MVB12B: variants seen among roughly 807,000 people sequenced by gnomAD.
MVB12B encodes the protein ESCRT-I complex subunit MVB12B.
Under a neutral mutation model 41.6 loss-of-function variants are expected in MVB12B, and 16 were observed. That is an observed-to-expected ratio of 0.38 (90% CI 0.26 to 0.58). The LOEUF is 0.58. Among genes scored for constraint, MVB12B ranks in the 20% least tolerant of loss-of-function variants. The pLI is 0.62. For synonymous variants in MVB12B, 133 were observed against 139.7 expected (o/e 0.95, Z 0.34); for missense variants, 274 against 380.2 (o/e 0.72, Z 2.32).
chr9:126,431,127 TATATA>T (rs1832318980), intron 7 of MVB12B, among the ~76,000 whole-genome samples: 1 of 152,242 alleles, frequency 6.6e-6, no homozygotes, highest in Admixed American at 6.5e-5. Context: ...TGTGCTTCCT[TATATA>T]ATTTTGATAT....
chr9:126,351,919 A>G (rs1829759733), intron 2 of MVB12B, among the ~76,000 whole-genome samples: 2 of 152,082 alleles, frequency 1.3e-5, no homozygotes, highest in Non-Finnish European at 2.9e-5. Context: ...GAATTTTGTC[A>G]GATGCCTTTC....
At position 126,461,792 on chromosome 9, in the gene MVB12B, G is replaced by A. The variant is rs558683159; in HGVS notation, c.758-19577G>A. ...GCTCCCGGGGTGGGTGGGCTGGTGG[G>A]TGTCCAAGGCCCTGAGCCCCGACTG... On this transcript the variant is annotated intron_variant, in intron 7 of 9. Coordinates refer to ENST00000361171, the MANE Select transcript of MVB12B (RefSeq NM_033446.3). Among the ~76,000 whole-genome samples, 25 of 152,280 alleles carry A rather than the reference G, an allele frequency of 1.6e-4. 1 individual carries two copies. Among genetic ancestry groups the A allele is most frequent in the Admixed American group, 8.5e-4 (13 of 15,300 alleles).
chr9:126,359,260 C>T (rs1425891611), intron 2 of MVB12B, among the ~76,000 whole-genome samples: 1 of 151,960 alleles, frequency 6.6e-6, no homozygotes, highest in African/African-American at 2.4e-5. Context: ...AATAAATCCC[C>T]CATGGACATA....
At chr9:126,331,756 C>T (rs1829137027) in intron 1 of MVB12B, among the ~76,000 whole-genome samples, 1 of 152,210 alleles carries the variant, frequency 6.6e-6, no homozygotes, top group Admixed American at 6.5e-5. Context: ...GTCCCTTGGA[C>T]TCCAAAGGGG....
At chr9:126,498,045 C>G (rs1338123801) in intron 9 of MVB12B, among the ~76,000 whole-genome samples, 1 of 152,234 alleles carries the variant, frequency 6.6e-6, no homozygotes, top group African/African-American at 2.4e-5. Context: ...CGCTTCAGGC[C>G]TCGCCATATG....
intron 7 of MVB12B, among the ~76,000 whole-genome samples, chr9:126,440,632 G>A (rs138866603): frequency 9.3e-4 from 141 of 151,858 alleles, no homozygotes; most frequent in African/African-American, 3.1e-3. Context: ...ACTTCTAAAC[G>A]TGTAGCAAAA....
At chr9:126,435,560 C>T (rs1832450174) in intron 7 of MVB12B, among the ~76,000 whole-genome samples, 2 of 151,638 alleles carry the variant, frequency 1.3e-5, no homozygotes, top group Admixed American at 1.3e-4. Flanking sequence ...GCACTCAACC[C>T]TTTAAATGAT....
chr9:126,446,923 C>CT (rs33950971), intron 7 of MVB12B, among the ~76,000 whole-genome samples: 138,494 of 139,300 alleles, frequency 0.99, 68,851 homozygotes, highest in Middle Eastern at 1. Flanking sequence ...TGTATTAGTT[C>CT]TTTTTTTTAA....
At chr9:126,363,272 C>T (rs1389248751) in intron 2 of MVB12B, among the ~76,000 whole-genome samples, 1 of 152,206 alleles carries the variant, frequency 6.6e-6, no homozygotes, top group African/African-American at 2.4e-5. Flanking sequence ...AATTCCCTCC[C>T]TTGCTTCCTG....
chr9:126,331,646 AT>A (rs1829133739), intron 1 of MVB12B, among the ~76,000 whole-genome samples: 1 of 152,144 alleles, frequency 6.6e-6, no homozygotes, highest in South Asian at 2.1e-4. Flanking sequence ...AAACAATATT[AT>A]TTGCTATTCC....
intron 2 of MVB12B, among the ~76,000 whole-genome samples, chr9:126,369,044 G>A (rs2118918472): frequency 6.6e-6 from 1 of 152,330 alleles, no homozygotes; most frequent in Admixed American, 6.5e-5. Context: ...GGCCACAGGA[G>A]CCTTCTGCTG....
chr9:126,502,526 G>A (rs996694660), intron 9 of MVB12B, among the ~76,000 whole-genome samples: 3 of 150,702 alleles, frequency 2.0e-5, no homozygotes, highest in Admixed American at 6.6e-5. Flanking sequence ...GGGCTGAGCC[G>A]TGGAGGAAGG....
chr9:126,378,896 C>G (rs1296226818), intron 2 of MVB12B, among the ~76,000 whole-genome samples: 1 of 152,174 alleles, frequency 6.6e-6, no homozygotes, highest in East Asian at 1.9e-4. Context: ...AAGGACAGTT[C>G]TAGCAGTGTG....
intron 7 of MVB12B, among the ~76,000 whole-genome samples, chr9:126,461,824 C>T (rs981006231): frequency 2.7e-5 from 4 of 146,604 alleles, no homozygotes; most frequent in African/African-American, 7.7e-5. Flanking sequence ...ACTGGCTGGC[C>T]AGCGCTGGGA....
chr9:126,481,416 C>G lies in MVB12B; in HGVS notation c.805C>G (p.Pro269Ala). Residue 269 changes from proline (P) to alanine (A), a missense_variant, in exon 8 of 10, where the codon CCA (proline) becomes GCA (alanine). By Grantham distance (27) the Pro-to-Ala change is conservative. Coordinates refer to ENST00000361171, the MANE Select transcript of MVB12B (RefSeq NM_033446.3). Reference protein sequence around the residue: ...FMISEKFSCVPESMQPFDLLG... With the variant: ...FMISEKFSCVAESMQPFDLLG... ...GATTTCAGAGAAGTTTTCTTGTGTT[C>G]CAGAAAGTGTAAGTTTTATGCATGA... is the stretch of plus-strand genomic sequence containing the variant. 1 of 1,612,788 alleles carries G rather than the reference C, an allele frequency of 6.2e-7. No homozygotes were observed. Among genetic ancestry groups the G allele is most frequent in the African/African-American group, 1.3e-5 (1 of 74,924 alleles).
At position 126,353,543 on chromosome 9, in the gene MVB12B, G is replaced by T. The variant is rs75702659; in HGVS notation, c.204+12913G>T. 6.3e-3 allele frequency among the ~76,000 whole-genome samples: 961 copies of T among 152,280 alleles called. 13 individuals are homozygous for T. Among genetic ancestry groups the T allele is most frequent in the African/African-American group, 0.022 (906 of 41,552 alleles). On this transcript the variant is annotated intron_variant, in intron 2 of 9. Transcript: ENST00000361171. ...ACTTTCCTCATAGAATTGTGTTGAG[G>T]ATTAAATTAGCTAATGTTTGTAATG... is the stretch of plus-strand genomic sequence containing the variant.
chr9:126,358,817 C>G (rs1186054575), intron 2 of MVB12B, among the ~76,000 whole-genome samples: 3 of 152,176 alleles, frequency 2.0e-5, no homozygotes, highest in African/African-American at 7.2e-5. Context: ...GCTAGAGCAT[C>G]CAGTACACTA....
chr9:126,481,597 C>T (rs370361631), intron 8 of MVB12B, among the ~76,000 whole-genome samples, 173 bp downstream of exon 8: 20 of 152,284 alleles, frequency 1.3e-4, no homozygotes, highest in East Asian at 1.2e-3. Context: ...CCCTGCAACC[C>T]AGTGACAGGA....
At chr9:126,440,375 C>A (rs7858175) in intron 7 of MVB12B, among the ~76,000 whole-genome samples, 19,684 of 152,298 alleles carry the variant, frequency 0.13, 1,731 homozygotes, top group East Asian at 0.41. Context: ...TGTTGCTGAA[C>A]TTCCCGTGGA....
Sources: allele counts gnomAD v4.1 joint callset (sites outside exome capture counted in the v4.1 genomes callset), GRCh38; gene constraint gnomAD v4.1.1; transcripts MANE v1.5; gene names NCBI Gene and HGNC (gene_info 2026-07-23, HGNC 2026-07-21).